The following CLEC6A variants were observed in gnomAD, a reference collection of about 807,000 sequenced individuals.
The protein encoded by CLEC6A is C-type lectin domain containing 6A, also known as C-type lectin domain family 6 member A.
In CLEC6A, 22 loss-of-function variants were observed where a neutral mutation model predicts 25.7. That is an observed-to-expected ratio of 0.85 (90% confidence interval 0.61 to 1.22). CLEC6A has a LOEUF of 1.22. Ranked by LOEUF, CLEC6A falls within the 50% of genes most tolerant of loss-of-function variation. The pLI, the probability that CLEC6A is intolerant of heterozygous loss-of-function variation, is 0.00. For synonymous variants in CLEC6A, 92 were observed against 76.7 expected (o/e 1.20, Z -1.04); for missense variants, 240 against 236.8 (o/e 1.01, Z -0.09).
In CLEC6A at chr12:8,460,709, G is replaced by A. The variant is rs148981317; in HGVS notation, c.223+1011G>A. The A allele has an allele frequency of 2.4e-4, 354 of 1,482,212 alleles. 1 individual carries two copies. The highest frequency in any genetic ancestry group is 5.8e-4 in the African/African-American group (42 of 72,094). 91.8% of individuals were successfully genotyped at this position (1,482,212 alleles called of 1,614,324 possible). A position where few individuals can be genotyped will look rare whatever the true frequency, so the allele number is the denominator to read the frequency against. On this transcript the variant is annotated intron_variant, in intron 3 of 5. Coordinates refer to ENST00000382073, the MANE Select transcript of CLEC6A (RefSeq NM_001007033.2). ...CTGAGGGTCCGCTGCTGGCAGTACCGCCAGCTCTCTGCTCTCCACAGGGCT... is the reference window on the plus strand; with the variant it reads ...CTGAGGGTCCGCTGCTGGCAGTACCACCAGCTCTCTGCTCTCCACAGGGCT...
At chr12:8,456,979 A>G (rs926448092) in intron 1 of CLEC6A, among the ~76,000 whole-genome samples, 4 of 152,050 alleles carry the variant, frequency 2.6e-5, no homozygotes, top group Admixed American at 2.6e-4. Flanking sequence ...GCATGGTGGC[A>G]TGCACCTGTA....
Position 8,469,198 on chromosome 12 carries a change from A to T in CLEC6A, c.369+3569A>T, listed in dbSNP as rs181772860. Reference sequence around the variant, plus strand: ...CAACCCCTTTTACAGTAGCTGCAAAACAAAAATATTTAGGAATTTACTTAA... The same window carrying T: ...CAACCCCTTTTACAGTAGCTGCAAATCAAAAATATTTAGGAATTTACTTAA... On this transcript the variant is annotated intron_variant, in intron 4 of 5. Transcript: ENST00000382073. Among the ~76,000 whole-genome samples, 10 of 152,260 alleles carry T rather than the reference A, an allele frequency of 6.6e-5. No individual in the cohort carries two copies. The East Asian group carries it at 1.9e-3, about 29-fold the overall frequency.
chr12:8,461,910 G>A (rs4883149), intron 3 of CLEC6A, among the ~76,000 whole-genome samples: 114,832 of 152,000 alleles, frequency 0.76, 43,761 homozygotes, highest in East Asian at 0.99. Flanking sequence ...AAACATATAT[G>A]CCCTCCAATA....
intron 3 of CLEC6A, among the ~76,000 whole-genome samples, chr12:8,465,196 G>A (rs1474190111): frequency 1.3e-5 from 2 of 151,672 alleles, no homozygotes; most frequent in African/African-American, 4.8e-5. Flanking sequence ...AAGAGGACTT[G>A]GTGCTGATAA....
chr12:8,461,765 G>T (rs879716992), intron 3 of CLEC6A, among the ~76,000 whole-genome samples: 21 of 152,122 alleles, frequency 1.4e-4, no homozygotes, highest in African/African-American at 1.9e-4. Context: ...TCTTCAGTTT[G>T]TTTCCCACTC....
chr12:8,458,285 G>A (rs1421304185), intron 2 of CLEC6A, among the ~76,000 whole-genome samples: 5 of 152,168 alleles, frequency 3.3e-5, no homozygotes, highest in Non-Finnish European at 7.3e-5. Context: ...GGATTCACTA[G>A]TAATTGTGTG....
rs773596201 is a variant in CLEC6A, at chr12:8,459,670, C to T, written c.195C>T (p.Thr65=). 6.2e-7 allele frequency: 1 copy of T among 1,612,762 alleles called. No individual in the cohort carries two copies. The highest frequency in any genetic ancestry group is 8.5e-7 in the Non-Finnish European group (1 of 1,178,794). ...TACACTCATATCATTCAAGTCTCAC[C>T]TGCTTCAGTGAAGGGACAAAGGTGC... ...SELHSYHSSL[T]CFSEGTKVPA... is the part of the protein sequence containing the mutation. The change falls in exon 3 of 6, where the codon ACC becomes ACT. Residue 65 remains threonine (T), a synonymous_variant. Coordinates refer to ENST00000382073, the MANE Select transcript of CLEC6A (RefSeq NM_001007033.2).
At chr12:8,464,853 G>A (rs901766403) in intron 3 of CLEC6A, among the ~76,000 whole-genome samples, 7 of 152,158 alleles carry the variant, frequency 4.6e-5, no homozygotes, top group Non-Finnish European at 8.8e-5. Flanking sequence ...TTAATACTGT[G>A]TGAAAATTAG....
intron 4 of CLEC6A, among the ~76,000 whole-genome samples, chr12:8,470,850 C>A (rs1939896225): frequency 6.6e-6 from 1 of 152,000 alleles, no homozygotes; most frequent in Non-Finnish European, 1.5e-5. Flanking sequence ...CACTAAAGAA[C>A]TTATTCATGT....
chr12:8,471,064 T>G (rs1442384672), intron 4 of CLEC6A, among the ~76,000 whole-genome samples: 2 of 152,160 alleles, frequency 1.3e-5, no homozygotes, highest in Admixed American at 1.3e-4. Context: ...AGGTGGTTTT[T>G]GTTCTTAATT....
In CLEC6A at chr12:8,462,508, C is replaced by T. The variant is rs769049560; in HGVS notation, c.223+2810C>T. On this transcript the variant is annotated intron_variant, in intron 3 of 5. Coordinates refer to ENST00000382073, the MANE Select transcript of CLEC6A (RefSeq NM_001007033.2). The stretch of plus-strand genomic sequence containing the variant: ...TCCATCTACTGAGATAGGGGAAAAC[C>T]GCCTTAGGGCTGGAGGTGGGACATG... Among the ~76,000 whole-genome samples, 53 of 140,646 alleles carry T rather than the reference C, an allele frequency of 3.8e-4. No individual in the cohort carries two copies. In the East Asian group the frequency reaches 9.5e-3, roughly 25 times the overall value. 92.3% of individuals were successfully genotyped at this position (140,646 alleles called of 152,430 possible). A position where few individuals can be genotyped will look rare whatever the true frequency, so the allele number is the denominator to read the frequency against.
intron 5 of CLEC6A, among the ~76,000 whole-genome samples, 173 bp from the exon 6 acceptor site, chr12:8,477,147 A>T (rs1188561326): frequency 6.6e-6 from 1 of 152,132 alleles, no homozygotes; most frequent in Non-Finnish European, 1.5e-5. Flanking sequence ...GAGCAAGTGT[A>T]AAAGTATGTG....
chr12:8,457,778 C>T (rs1939696319), intron 1 of CLEC6A, 120 bp from the exon 2 acceptor site: 2 of 694,720 alleles, frequency 2.9e-6, no homozygotes, highest in Non-Finnish European at 5.1e-6. Flanking sequence ...TGTCTTCTTG[C>T]TTTAAGTTTT....
At chr12:8,458,324 G>C (rs748383522) in intron 2 of CLEC6A, among the ~76,000 whole-genome samples, 1 of 152,266 alleles carries the variant, frequency 6.6e-6, no homozygotes, top group South Asian at 2.1e-4. Flanking sequence ...CTTGTATTGG[G>C]AGTGCAACTC....
chr12:8,460,473 G>T, intron 3 of CLEC6A: 2 of 591,504 alleles, frequency 3.4e-6, no homozygotes, highest in South Asian at 2.0e-5. Context: ...ATCTCCCACA[G>T]GGTCCCTCTC....
chr12:8,471,325 T>C (rs1939903917), intron 4 of CLEC6A, among the ~76,000 whole-genome samples: 1 of 152,128 alleles, frequency 6.6e-6, no homozygotes, highest in Non-Finnish European at 1.5e-5. Context: ...TATTTCCTCC[T>C]CTTCGATTTT....
intron 3 of CLEC6A, among the ~76,000 whole-genome samples, chr12:8,464,545 G>A (rs1350596199): frequency 6.6e-6 from 1 of 152,044 alleles, no homozygotes; most frequent in African/African-American, 2.4e-5. Context: ...TGTTAGCCAG[G>A]ATGGTCTTGA....
At chr12:8,462,164 G>A (rs917252445) in intron 3 of CLEC6A, among the ~76,000 whole-genome samples, 1 of 151,900 alleles carries the variant, frequency 6.6e-6, no homozygotes, top group Non-Finnish European at 1.5e-5. Flanking sequence ...CTTGAAGGCA[G>A]CATGCTCCTT....
At chr12:8,469,814 C>T (rs1939882554) in intron 4 of CLEC6A, among the ~76,000 whole-genome samples, 2 of 152,146 alleles carry the variant, frequency 1.3e-5, no homozygotes, top group African/African-American at 4.8e-5. Flanking sequence ...AATCTAAGAC[C>T]TGGAACCATA....
Sources: allele counts gnomAD v4.1 joint callset (sites outside exome capture counted in the v4.1 genomes callset), GRCh38; gene constraint gnomAD v4.1.1; transcripts MANE v1.5; gene names NCBI Gene and HGNC (gene_info 2026-07-23, HGNC 2026-07-21).